The following SORCS3 variants were observed in gnomAD, a reference collection of about 807,000 sequenced individuals.
SORCS3 encodes VPS10 domain-containing receptor SorCS3.
In SORCS3, 57 loss-of-function variants were observed where a neutral mutation model predicts 146.3. The observed-to-expected ratio is 0.39, with a 90% CI of 0.31 to 0.49. SORCS3 has a LOEUF of 0.49. Among genes scored for constraint, SORCS3 ranks in the 20% least tolerant of loss-of-function variants. The pLI is 0.92. For synonymous variants in SORCS3, 653 were observed against 618.5 expected, an observed-to-expected ratio of 1.06 and a Z score of -0.83; for missense variants, 1,341 against 1,575.5, an observed-to-expected ratio of 0.85 and a Z score of 2.52.
intron 1 of SORCS3, among the ~76,000 whole-genome samples, chr10:104,740,962 A>G (rs1197737790): frequency 2.0e-5 from 3 of 151,298 alleles, no homozygotes; most frequent in East Asian, 2.0e-4. Context: ...CCCTTTTATT[A>G]TTATTATTAT....
rs1334447077 is a variant in SORCS3 at position 104,915,518 on chromosome 10, T to TG, written c.696-308dup. On this transcript the variant is annotated intron_variant, in intron 2 of 26. Coordinates refer to ENST00000369701, the MANE Select transcript of SORCS3 (RefSeq NM_014978.3). Reference sequence around the variant, plus strand: ...TCCACAACTCCACACAGAGCTGGGGTGGGGGGGTGGGGCGGGGCTGAGCAG... The same window carrying TG: ...TCCACAACTCCACACAGAGCTGGGGTGGGGGGGGTGGGGCGGGGCTGAGCAG... Among the ~76,000 whole-genome samples, 61 of 7,708 alleles carry TG rather than the reference T, an allele frequency of 7.9e-3. No individual in the cohort carries two copies. In the East Asian group the frequency reaches 0.094, roughly 12 times the overall value. 5.1% of individuals were successfully genotyped at this position (7,708 alleles called of 152,430 possible). A position where few individuals can be genotyped will look rare whatever the true frequency, so the allele number is the denominator to read the frequency against.
At chr10:104,757,568 T>C (rs1312858247) in intron 1 of SORCS3, among the ~76,000 whole-genome samples, 5 of 152,206 alleles carry the variant, frequency 3.3e-5, no homozygotes, top group African/African-American at 1.2e-4. Flanking sequence ...CTTGTGTGTC[T>C]GTGTGCTTGT....
At chr10:105,262,530 TC>T (rs750774895) in intron 26 of SORCS3, 39 bp downstream of exon 26, 5 of 1,583,704 alleles carry the variant, frequency 3.2e-6, no homozygotes, top group African/African-American at 1.3e-5. Context: ...CTGTTCTGTG[TC>T]CTCTAAACAC....
chr10:105,184,751 A>C (rs1211525485), intron 14 of SORCS3, among the ~76,000 whole-genome samples: 1 of 152,224 alleles, frequency 6.6e-6, no homozygotes. Flanking sequence ...CCACAATTGC[A>C]GTTACTAAAC....
At chr10:104,688,953 G>A (rs2016081921) in intron 1 of SORCS3, among the ~76,000 whole-genome samples, 1 of 152,342 alleles carries the variant, frequency 6.6e-6, no homozygotes, top group South Asian at 2.1e-4. Context: ...TGCCAAGGAA[G>A]TGAGAATGTG....
At chr10:104,833,299 C>A (rs184615967) in intron 1 of SORCS3, among the ~76,000 whole-genome samples, 7 of 152,150 alleles carry the variant, frequency 4.6e-5, no homozygotes, top group Admixed American at 1.3e-4. Context: ...GTGCAATCAA[C>A]CTGCCACCAT....
rs190686910 is a variant in SORCS3 at position 105,008,484 on chromosome 10, G to T, written c.954+30991G>T. Among the ~76,000 whole-genome samples, 469 of 152,220 alleles carry T rather than the reference G, an allele frequency of 3.1e-3. 2 individuals carry two copies. The highest frequency in any genetic ancestry group is 0.014 in the Middle Eastern group (4 of 294). On this transcript the variant is annotated intron_variant, in intron 4 of 26. Transcript: ENST00000369701. ...CTGATGTGGCTTTAAGCTGTCGTTT[G>T]GTACCTGCTATGGTTTTTGTTGCAT...
At chr10:104,986,842 T>A (rs1174121051) in intron 4 of SORCS3, among the ~76,000 whole-genome samples, 1 of 152,170 alleles carries the variant, frequency 6.6e-6, no homozygotes, top group Admixed American at 6.6e-5. Flanking sequence ...ATTACAATGA[T>A]AACATCAAAG....
Position 105,020,758 on chromosome 10 carries a change from G to A in SORCS3, c.955-22297G>A, listed in dbSNP as rs186354420. Among the ~76,000 whole-genome samples the A allele has an allele frequency of 1.2e-4, 18 of 152,204 alleles. No homozygotes were observed. In the East Asian group the frequency reaches 2.3e-3, roughly 20 times the overall value. On this transcript the variant is annotated intron_variant, in intron 4 of 26. Transcript: ENST00000369701. The stretch of plus-strand genomic sequence containing the variant: ...ACAAATAAGGTACCTGATTCTCACC[G>A]TCACCTCCATTTACCTTATGCTGTG...
At chr10:104,758,340 G>A (rs764995748) in intron 1 of SORCS3, among the ~76,000 whole-genome samples, 2 of 152,118 alleles carry the variant, frequency 1.3e-5, no homozygotes, top group Non-Finnish European at 2.9e-5. Context: ...GGTGGGTGGA[G>A]TGTAACCATA....
intron 5 of SORCS3, among the ~76,000 whole-genome samples, chr10:105,075,570 C>T (rs2055583507): frequency 6.6e-6 from 1 of 152,122 alleles, no homozygotes. Flanking sequence ...TGGGGAGTGA[C>T]ACCTTGGGGA....
intron 3 of SORCS3, among the ~76,000 whole-genome samples, chr10:104,920,427 T>C (rs1273475696): frequency 6.6e-6 from 1 of 152,240 alleles, no homozygotes; most frequent in African/African-American, 2.4e-5. Flanking sequence ...AACCTGTGTA[T>C]AGTTTCCTTC....
intron 11 of SORCS3, among the ~76,000 whole-genome samples, chr10:105,163,883 T>TAC (rs67886313): frequency 0.023 from 3,175 of 138,644 alleles, 37 homozygotes; most frequent in Middle Eastern, 0.029. Context: ...GTTACGCACA[T>TAC]ACACACACAC....
intron 1 of SORCS3, among the ~76,000 whole-genome samples, chr10:104,737,069 G>C (rs2016782910): frequency 6.6e-6 from 1 of 152,032 alleles, no homozygotes; most frequent in Non-Finnish European, 1.5e-5. Context: ...TGAGAATGAT[G>C]ATTTCCAATT....
chr10:104,958,867 G>A (rs2054772717), intron 3 of SORCS3, among the ~76,000 whole-genome samples: 1 of 152,028 alleles, frequency 6.6e-6, no homozygotes, highest in Non-Finnish European at 1.5e-5. Flanking sequence ...AGAGAGAGAG[G>A]GAGGAAGTGC....
chr10:104,677,851 G>T (rs2015928651), intron 1 of SORCS3, among the ~76,000 whole-genome samples: 1 of 152,126 alleles, frequency 6.6e-6, no homozygotes, highest in Non-Finnish European at 1.5e-5. Context: ...GGAAACATAG[G>T]GGGTGAAGAG....
At chr10:104,870,184 A>G (rs930455716) in intron 2 of SORCS3, among the ~76,000 whole-genome samples, 1 of 152,254 alleles carries the variant, frequency 6.6e-6, no homozygotes, top group Non-Finnish European at 1.5e-5. Flanking sequence ...CAGATGAAAT[A>G]CATGTAAATA....
intron 4 of SORCS3, among the ~76,000 whole-genome samples, chr10:105,040,188 A>ATGGATATAT (rs1444859590): frequency 6.6e-6 from 1 of 152,194 alleles, no homozygotes; most frequent in Non-Finnish European, 1.5e-5. Context: ...AATAAAATAT[A>ATGGATATAT]TGGATATATT....
intron 1 of SORCS3, among the ~76,000 whole-genome samples, chr10:104,710,637 A>G (rs1331151140): frequency 1.3e-5 from 2 of 152,230 alleles, no homozygotes; most frequent in African/African-American, 2.4e-5. Flanking sequence ...CAGCACATCC[A>G]TGAGGTTTAT....
Sources: allele counts gnomAD v4.1 joint callset (sites outside exome capture counted in the v4.1 genomes callset), GRCh38; gene constraint gnomAD v4.1.1; transcripts MANE v1.5; gene names NCBI Gene and HGNC (gene_info 2026-07-23, HGNC 2026-07-21).